Variants in GNAQ observed in about 807,000 individuals in gnomAD.
The protein encoded by GNAQ is guanine nucleotide-binding protein G(q) subunit alpha.
A neutral mutation model predicts 43.9 loss-of-function variants in GNAQ; 8 were observed. The observed-to-expected ratio is 0.18, with a 90% CI of 0.11 to 0.33. The LOEUF (loss-of-function observed/expected upper bound fraction) is 0.33. Among genes scored for constraint, GNAQ ranks in the 10% least tolerant of loss-of-function variants. GNAQ has a pLI of 1.00. For synonymous variants in GNAQ, 155 were observed against 170.7 expected, an observed-to-expected ratio of 0.91 and a Z score of 0.71; for missense variants, 158 against 450.8, an observed-to-expected ratio of 0.35 and a Z score of 5.88.
At chr9:77,974,350 T>C (rs868804684) in intron 1 of GNAQ, among the ~76,000 whole-genome samples, 11 of 152,262 alleles carry the variant, frequency 7.2e-5, no homozygotes, top group Middle Eastern at 3.4e-3. Context: ...CTGCATTCTG[T>C]TCTGAAACTA....
chr9:77,876,862 A>C (rs1017403143), intron 2 of GNAQ, among the ~76,000 whole-genome samples: 2 of 152,220 alleles, frequency 1.3e-5, no homozygotes, highest in Non-Finnish European at 2.9e-5. Flanking sequence ...TATCTACAAC[A>C]GCGATAGTCT....
chr9:77,811,201 AAATATTTCTGTAAGATG>A lies in GNAQ; in HGVS notation c.476+4398_476+4414del, dbSNP rs564075479. Among the ~76,000 whole-genome samples the A allele has an allele frequency of 1.2e-3, 188 of 152,320 alleles. 1 individual carries two copies. Among genetic ancestry groups the A allele is most frequent in the Admixed American group, 2.0e-3 (30 of 15,294 alleles). On this transcript the variant is annotated intron_variant, in intron 3 of 6. Coordinates refer to ENST00000286548, the MANE Select transcript of GNAQ (RefSeq NM_002072.5). ...CAAAAGAAGTTGGTCCTAAGCTCAG[AAATATTTCTGTAAGATG>A]AATATTTCTGTAAGGTGATAATGAA...
chr9:77,922,191 G>C lies in GNAQ; in HGVS notation c.291C>G (p.Leu97=), dbSNP rs370651410. The change falls in exon 2 of 7, where the codon CTC becomes CTG. Residue 97 remains leucine (L), a synonymous_variant. Transcript: ENST00000286548. ...MQAMIRAMDT[L]KIPYKYEHNK... is the part of the protein sequence containing the mutation. ...TGTGCTCATACTTGTATGGGATCTT[G>C]AGTGTGTCCATGGCTCTGATCATGG... 4.3e-6 allele frequency: 7 copies of C among 1,613,502 alleles called. No individual in the cohort carries two copies. Among genetic ancestry groups the C allele is most frequent in the Non-Finnish European group, 5.9e-6 (7 of 1,179,522 alleles).
intron 6 of GNAQ, among the ~76,000 whole-genome samples, chr9:77,725,202 C>T (rs1035823774): frequency 1.4e-4 from 21 of 151,864 alleles, no homozygotes; most frequent in African/African-American, 4.6e-4. Context: ...ACATACACTA[C>T]AAAGAACTCA....
intron 2 of GNAQ, among the ~76,000 whole-genome samples, chr9:77,830,278 C>G (rs1170023613): frequency 2.6e-5 from 4 of 152,082 alleles, no homozygotes; most frequent in South Asian, 2.1e-4. Flanking sequence ...AATGCCCCCC[C>G]AAGTGGTCTA....
intron 2 of GNAQ, among the ~76,000 whole-genome samples, chr9:77,842,785 T>G (rs558166883): frequency 4.9e-4 from 74 of 152,282 alleles, no homozygotes; most frequent in African/African-American, 1.5e-3. Flanking sequence ...GATACTTTGA[T>G]GAACATATGC....
intron 5 of GNAQ, among the ~76,000 whole-genome samples, chr9:77,741,158 T>C (rs955954405): frequency 6.6e-6 from 1 of 152,236 alleles, no homozygotes; most frequent in Non-Finnish European, 1.5e-5. Context: ...CTGTGGGCCA[T>C]AGAGTTTACT....
At chr9:77,723,889 T>C (rs1482800782) in intron 6 of GNAQ, among the ~76,000 whole-genome samples, 3 of 152,140 alleles carry the variant, frequency 2.0e-5, no homozygotes, top group Non-Finnish European at 2.9e-5. Flanking sequence ...CTTTTATGAA[T>C]TGTGCACTTA....
At chr9:77,904,026 A>G (rs970963429) in intron 2 of GNAQ, among the ~76,000 whole-genome samples, 1 of 152,154 alleles carries the variant, frequency 6.6e-6, no homozygotes, top group African/African-American at 2.4e-5. Context: ...GCCTTTTGGA[A>G]TTTCCATATC....
intron 4 of GNAQ, among the ~76,000 whole-genome samples, chr9:77,796,267 AAC>A (rs999165702): frequency 6.6e-6 from 1 of 152,194 alleles, no homozygotes; most frequent in African/African-American, 2.4e-5. Context: ...ATTAGAAGAA[AAC>A]ACAGTGTCAC....
chr9:77,734,898 A>G (rs1320768500), intron 5 of GNAQ, among the ~76,000 whole-genome samples: 1 of 152,232 alleles, frequency 6.6e-6, no homozygotes, highest in Non-Finnish European at 1.5e-5. Flanking sequence ...CACACAGTTT[A>G]TGTTGCTTTA....
intron 1 of GNAQ, among the ~76,000 whole-genome samples, chr9:77,972,991 G>C (rs1823256109): frequency 7.1e-6 from 1 of 140,296 alleles, no homozygotes; most frequent in Non-Finnish European, 1.5e-5. Flanking sequence ...AAGTAAAAAG[G>C]AGAAGACATT....
At chr9:77,947,317 C>T (rs932915921) in intron 1 of GNAQ, among the ~76,000 whole-genome samples, 4 of 152,208 alleles carry the variant, frequency 2.6e-5, no homozygotes, top group Non-Finnish European at 4.4e-5. Context: ...GACTGTACTT[C>T]CCAGGGGCAC....
intron 1 of GNAQ, among the ~76,000 whole-genome samples, chr9:77,936,737 G>A (rs535112315): frequency 6.6e-6 from 1 of 152,124 alleles, no homozygotes; most frequent in Non-Finnish European, 1.5e-5. Context: ...CATGAGTTGG[G>A]GCAGGGCTTC....
intron 1 of GNAQ, among the ~76,000 whole-genome samples, chr9:77,929,746 A>G (rs7852315): frequency 6.6e-6 from 1 of 151,964 alleles, no homozygotes; most frequent in Admixed American, 6.6e-5. Context: ...GGAAGAATCA[A>G]TTGAACCCAA....
At chr9:77,870,043 T>C (rs1011857399) in intron 2 of GNAQ, among the ~76,000 whole-genome samples, 7 of 152,192 alleles carry the variant, frequency 4.6e-5, no homozygotes, top group African/African-American at 1.7e-4. Context: ...ATCAGAAATA[T>C]AGCTAGAATA....
chr9:77,932,515 C>CA (rs1400777944), intron 1 of GNAQ, among the ~76,000 whole-genome samples: 6 of 152,136 alleles, frequency 3.9e-5, no homozygotes, highest in Non-Finnish European at 7.4e-5. Flanking sequence ...AACTAATATT[C>CA]AAGAACCCGC....
chr9:77,815,861 A>G (rs766456638), intron 2 of GNAQ, 91 bp from the exon 3 acceptor site: 17 of 761,798 alleles, frequency 2.2e-5, no homozygotes, highest in Non-Finnish European at 3.0e-5. Flanking sequence ...TTCAGGTAAC[A>G]CCTTCCTTCA....
At chr9:77,809,970 A>T (rs1377737475) in intron 3 of GNAQ, among the ~76,000 whole-genome samples, 1 of 152,182 alleles carries the variant, frequency 6.6e-6, no homozygotes, top group South Asian at 2.1e-4. Context: ...GCTTAGCTAA[A>T]CATGGCTAAG....
Sources: gnomAD v4.1 joint callset for allele counts (sites outside exome capture counted in the v4.1 genomes callset) on GRCh38, gnomAD v4.1.1 for gene constraint, MANE v1.5 for transcripts, NCBI Gene and HGNC (gene_info 2026-07-23, HGNC 2026-07-21) for gene names.